Variants in RFX4 observed in about 807,000 individuals in gnomAD.
The protein encoded by RFX4 is transcription factor RFX4.
A neutral mutation model predicts 95.0 loss-of-function variants in RFX4; 10 were observed. The observed-to-expected ratio is 0.11, with a 90% CI of 0.06 to 0.18. The LOEUF (loss-of-function observed/expected upper bound fraction) is 0.18, where lower values mean the gene tolerates loss of function less well. Ranked by LOEUF, RFX4 falls within the 10% of genes least tolerant of loss-of-function variation. The pLI is 1.00. For missense variants in RFX4, 640 were observed against 922.0 expected (o/e 0.69, Z 3.96); for synonymous variants, 321 against 340.7 (o/e 0.94, Z 0.64).
rs535427954 is a variant in RFX4, at chr12:106,642,019, C to CTA, written c.191+2629_191+2630dup. ...TCTATATCTATATCTATATCTATATCTATTTTTTGAGATGGAGTTTTGCTC... is the reference window on the plus strand; with the variant it reads ...TCTATATCTATATCTATATCTATATCTATATTTTTTGAGATGGAGTTTTGCTC... On this transcript the variant is annotated intron_variant, in intron 3 of 17. Coordinates refer to ENST00000392842, the MANE Select transcript of RFX4 (RefSeq NM_213594.3). 2.4e-3 allele frequency among the ~76,000 whole-genome samples: 350 copies of CTA among 147,518 alleles called. 2 individuals are homozygous for CTA. Among genetic ancestry groups the CTA allele is most frequent in the African/African-American group, 8.5e-3 (334 of 39,380 alleles).
intron 2 of RFX4, among the ~76,000 whole-genome samples, chr12:106,622,625 T>C (rs962483801): frequency 8.4e-5 from 12 of 143,254 alleles, no homozygotes; most frequent in African/African-American, 2.8e-4. Flanking sequence ...AAGCTGCATT[T>C]TTTTTTTTTT....
At chr12:106,622,963 C>T (rs1025743807) in intron 2 of RFX4, among the ~76,000 whole-genome samples, 1 of 151,526 alleles carries the variant, frequency 6.6e-6, no homozygotes, top group African/African-American at 2.4e-5. Flanking sequence ...GAGTCTTGCC[C>T]AAAGTCACAT....
intron 8 of RFX4, among the ~76,000 whole-genome samples, chr12:106,702,007 A>G (rs1453228435): frequency 6.6e-6 from 1 of 152,094 alleles, no homozygotes; most frequent in Non-Finnish European, 1.5e-5. Context: ...GTCTCTAATA[A>G]TAATTATTAT....
At chr12:106,652,537 A>G (rs976644155) in intron 3 of RFX4, among the ~76,000 whole-genome samples, 1 of 152,212 alleles carries the variant, frequency 6.6e-6, no homozygotes, top group Non-Finnish European at 1.5e-5. Context: ...GATCACCTAG[A>G]AAGGATTACA....
chr12:106,606,756 A>T (rs2039841002), intron 1 of RFX4, among the ~76,000 whole-genome samples: 1 of 152,188 alleles, frequency 6.6e-6, no homozygotes, highest in African/African-American at 2.4e-5. Flanking sequence ...ACAATTTTGG[A>T]AGCAGCTTTT....
At chr12:106,668,030 T>C (rs1200221600) in intron 4 of RFX4, among the ~76,000 whole-genome samples, 1 of 152,154 alleles carries the variant, frequency 6.6e-6, no homozygotes, top group African/African-American at 2.4e-5. Context: ...TGGGGAAAGA[T>C]GTCCCCCCCA....
chr12:106,649,379 G>A (rs2040817576), intron 3 of RFX4, among the ~76,000 whole-genome samples: 1 of 152,128 alleles, frequency 6.6e-6, no homozygotes, highest in Non-Finnish European at 1.5e-5. Flanking sequence ...ACATCCATTT[G>A]TTCATAGAGC....
chr12:106,746,713 G>C (rs1032655310), intron 15 of RFX4, among the ~76,000 whole-genome samples: 5 of 152,112 alleles, frequency 3.3e-5, no homozygotes, highest in Non-Finnish European at 5.9e-5. Flanking sequence ...TCTTCAAAAA[G>C]ACCTGAGCTG....
intron 4 of RFX4, among the ~76,000 whole-genome samples, chr12:106,680,541 A>C (rs1676358592): frequency 6.6e-6 from 1 of 152,186 alleles, no homozygotes; most frequent in Admixed American, 6.5e-5. Flanking sequence ...GTGTGGATAA[A>C]AGAGGGGTGA....
At chr12:106,619,593 G>A (rs995708643) in intron 2 of RFX4, among the ~76,000 whole-genome samples, 9 of 151,966 alleles carry the variant, frequency 5.9e-5, no homozygotes, top group South Asian at 2.1e-4. Context: ...TTCTTCTTGG[G>A]GATCACTGAG....
intron 3 of RFX4, among the ~76,000 whole-genome samples, chr12:106,649,299 G>C (rs1194793554): frequency 6.6e-6 from 1 of 152,148 alleles, no homozygotes; most frequent in Non-Finnish European, 1.5e-5. Flanking sequence ...CTCTGGTTTT[G>C]GGCAAAGGTG....
chr12:106,706,285 G>C (rs1332581624), intron 8 of RFX4, among the ~76,000 whole-genome samples: 1 of 152,196 alleles, frequency 6.6e-6, no homozygotes, highest in Non-Finnish European at 1.5e-5. Context: ...TTTATCCTAA[G>C]AATAATGTGA....
At chr12:106,616,249 G>T (rs2040070919) in intron 2 of RFX4, among the ~76,000 whole-genome samples, 1 of 152,126 alleles carries the variant, frequency 6.6e-6, no homozygotes, top group Non-Finnish European at 1.5e-5. Context: ...TATTAATACT[G>T]GGAATTACAT....
intron 11 of RFX4, 75 bp downstream of exon 11, chr12:106,715,619 A>C: frequency 6.5e-7 from 1 of 1,537,196 alleles, no homozygotes; most frequent in African/African-American, 1.4e-5. Flanking sequence ...GTAAATACCG[A>C]AGTGGCATCC....
chr12:106,605,078 T>C (rs577568231), intron 1 of RFX4, among the ~76,000 whole-genome samples: 2 of 152,302 alleles, frequency 1.3e-5, no homozygotes, highest in Admixed American at 6.5e-5. Context: ...ACCTCTAGGA[T>C]TGTGATGAGT....
In RFX4 at chr12:106,696,028, G is replaced by A. The variant is rs1015597767; in HGVS notation, c.670-255G>A. ...GGGTGAAAGTGCTTCATCTTTTGGG[G>A]CAGAGGAGACCCCAGCCTGCCAGGC... On this transcript the variant is annotated intron_variant, in intron 7 of 17. Transcript: ENST00000392842. Among the ~76,000 whole-genome samples the A allele has an allele frequency of 2.0e-5, 3 of 152,216 alleles. No individual in the cohort carries two copies. In the East Asian group the frequency reaches 5.8e-4, roughly 29 times the overall value.
chr12:106,740,168 G>A (rs1020344467), intron 15 of RFX4, among the ~76,000 whole-genome samples: 3 of 152,206 alleles, frequency 2.0e-5, no homozygotes, highest in African/African-American at 7.2e-5. Context: ...GATACTTAAT[G>A]AAATAAAAGC....
chr12:106,648,355 G>A (rs149752730), intron 3 of RFX4, among the ~76,000 whole-genome samples: 76 of 152,252 alleles, frequency 5.0e-4, no homozygotes, highest in East Asian at 4.8e-3. Flanking sequence ...AGAGGTATAC[G>A]TGTGGGAAAG....
chr12:106,684,925 A>G (rs1565978476), intron 5 of RFX4: 11 of 1,613,326 alleles, frequency 6.8e-6, no homozygotes, highest in Non-Finnish European at 9.3e-6. Flanking sequence ...GGAGTAAAGG[A>G]GGGTTGGGGA....
Sources: allele counts gnomAD v4.1 joint callset (sites outside exome capture counted in the v4.1 genomes callset), GRCh38; gene constraint gnomAD v4.1.1; transcripts MANE v1.5; gene names NCBI Gene and HGNC (gene_info 2026-07-23, HGNC 2026-07-21).